ZNF227: variants seen among roughly 807,000 people sequenced by gnomAD.
ZNF227 encodes zinc finger protein 227.
ZNF227 carries 12 observed loss-of-function variants against 13.2 expected under a neutral mutation model. That is an observed-to-expected ratio of 0.91 (90% CI 0.58 to 1.47). The LOEUF (loss-of-function observed/expected upper bound fraction) is 1.47, where lower values mean the gene tolerates loss of function less well. Ranked by LOEUF, ZNF227 falls within the 40% of genes most tolerant of loss-of-function variation. ZNF227 has a pLI of 0.00. For synonymous variants in ZNF227, 338 were observed against 326.0 expected, an observed-to-expected ratio of 1.04 and a Z score of -0.40; for missense variants, 885 against 967.5, an observed-to-expected ratio of 0.91 and a Z score of 1.13.
chr19:44,211,054 C>T (rs1267000883), upstream of ZNF227, among the ~76,000 whole-genome samples: 8 of 151,806 alleles, frequency 5.3e-5, no homozygotes, highest in Admixed American at 3.3e-4. Context: ...ATTAGCTGGG[C>T]GTGGTGGGGA....
chr19:44,218,629 T>C (rs1251315043), intron 3 of ZNF227, among the ~76,000 whole-genome samples: 3 of 152,270 alleles, frequency 2.0e-5, no homozygotes, highest in African/African-American at 7.2e-5. Context: ...AGTACTTAGA[T>C]GTCTTGCTAG....
At position 44,235,755 on chromosome 19, in the gene ZNF227, G is replaced by A. The variant is rs1974398601; in HGVS notation, c.1325G>A (p.Gly442Asp). The A allele has an allele frequency of 1.2e-6, 2 of 1,613,968 alleles. No individual in the cohort carries two copies. Among genetic ancestry groups the A allele is most frequent in the African/African-American group, 2.7e-5 (2 of 74,884 alleles). ...GEKPYKCDVC[G>D]KGFSHNSPLI... ...AAACCCTACAAGTGTGATGTGTGTG[G>A]TAAGGGCTTCAGCCACAATTCACCA... Residue 442 changes from glycine (G) to aspartate (D), a missense_variant, in exon 6 of 6, where the codon GGT (glycine) becomes GAT (aspartate). By Grantham distance (94) the Gly-to-Asp change is moderately conservative (BLOSUM62 -1). Coordinates refer to ENST00000313040, the MANE Select transcript of ZNF227 (RefSeq NM_182490.3).
chr19:44,234,550 T>C, intron 5 of ZNF227, 152 bp from the exon 6 acceptor site: 1 of 700,344 alleles, frequency 1.4e-6, no homozygotes, highest in Non-Finnish European at 2.3e-6. Flanking sequence ...GAAAAACATG[T>C]CAAAAGAATA....
At chr19:44,228,723 T>C in intron 4 of ZNF227, 151 bp downstream of exon 4, 1 of 998,166 alleles carries the variant, frequency 1.0e-6, no homozygotes, top group Non-Finnish European at 1.4e-6. Flanking sequence ...TAGGTTTTTC[T>C]GGTCTTTCTG....
chr19:44,216,465 T>C (rs1971890244), intron 2 of ZNF227, among the ~76,000 whole-genome samples: 1 of 152,192 alleles, frequency 6.6e-6, no homozygotes, highest in Non-Finnish European at 1.5e-5. Flanking sequence ...CTGAGTTTTA[T>C]TGTGATTTGT....
upstream of ZNF227, among the ~76,000 whole-genome samples, chr19:44,208,421 T>A (rs1464974756): frequency 6.6e-6 from 1 of 152,222 alleles, no homozygotes; most frequent in Non-Finnish European, 1.5e-5. Flanking sequence ...CTTGCAGTGA[T>A]AGGGACAGTG....
rs372988351 is a variant in ZNF227, at chr19:44,235,193, T to C, written c.763T>C (p.Cys255Arg). Reference protein sequence around the residue: ...LGEKPHPCGECGRGFSYSPRL... With the variant: ...LGEKPHPCGERGRGFSYSPRL... The stretch of plus-strand genomic sequence containing the variant: ...AGAGAAACCCCATCCATGTGGTGAG[T>C]GTGGAAGGGGCTTCAGTTATAGCCC... The change falls in exon 6 of 6, where the codon TGT (cysteine) becomes CGT (arginine). Residue 255 changes from cysteine (C) to arginine (R), a missense_variant. By Grantham distance (180) the Cys-to-Arg change is radical. Transcript: ENST00000313040. 27 of 1,613,982 alleles carry C rather than the reference T, an allele frequency of 1.7e-5. No individual in the cohort carries two copies. In the South Asian group the frequency reaches 1.9e-4, roughly 11 times the overall value.
At chr19:44,225,764 CGTCAAA>C (rs1194856283) in intron 3 of ZNF227, among the ~76,000 whole-genome samples, 5 of 152,224 alleles carry the variant, frequency 3.3e-5, no homozygotes, top group African/African-American at 9.6e-5. Context: ...TCTCTCAACT[CGTCAAA>C]GTCATTCTCC....
At chr19:44,222,001 A>C (rs1385910654) in intron 3 of ZNF227, among the ~76,000 whole-genome samples, 1 of 152,320 alleles carries the variant, frequency 6.6e-6, no homozygotes, top group Non-Finnish European at 1.5e-5. Flanking sequence ...TTTTCCCAGC[A>C]TCATTTATTA....
At chr19:44,216,787 A>G (rs1488359129) in intron 2 of ZNF227, among the ~76,000 whole-genome samples, 1 of 152,160 alleles carries the variant, frequency 6.6e-6, no homozygotes, top group Non-Finnish European at 1.5e-5. Flanking sequence ...TTGACCCAGA[A>G]TGATACGTTT....
chr19:44,217,468 C>A (rs1042247233), intron 2 of ZNF227: 8 of 545,904 alleles, frequency 1.5e-5, no homozygotes, highest in Middle Eastern at 5.6e-4. Context: ...CAAGGTTACA[C>A]AGCTGGTAAG....
chr19:44,228,751 C>A, intron 4 of ZNF227, 179 bp downstream of exon 4: 1 of 697,860 alleles, frequency 1.4e-6, no homozygotes. Flanking sequence ...AAAATTCTGT[C>A]CTTTTAAATT....
At chr19:44,226,737 A>G (rs1024832324) in intron 3 of ZNF227, among the ~76,000 whole-genome samples, 7 of 152,244 alleles carry the variant, frequency 4.6e-5, no homozygotes, top group African/African-American at 1.7e-4. Flanking sequence ...AAGTGAGGCA[A>G]TGCCTCACCC....
At chr19:44,224,684 T>C (rs1972910678) in intron 3 of ZNF227, among the ~76,000 whole-genome samples, 1 of 152,218 alleles carries the variant, frequency 6.6e-6, no homozygotes, top group African/African-American at 2.4e-5. Context: ...ATGGGTTTCC[T>C]GAATACAGCA....
upstream of ZNF227, among the ~76,000 whole-genome samples, chr19:44,209,488 A>G (rs576132298): frequency 3.9e-5 from 6 of 152,312 alleles, no homozygotes; most frequent in African/African-American, 1.4e-4. Context: ...CCTAAAGGAG[A>G]GGGAATCATT....
chr19:44,214,362 ATTTTCTT>A (rs774284975), intron 2 of ZNF227, among the ~76,000 whole-genome samples: 56 of 150,800 alleles, frequency 3.7e-4, no homozygotes, highest in Non-Finnish European at 7.2e-4. Flanking sequence ...TATTATGAAA[ATTTTCTT>A]TTTTCTTTTT....
chr19:44,236,336 G>A lies in ZNF227; in HGVS notation c.1906G>A (p.Val636Ile). Reference protein sequence around the residue: ...HTGEKPYKCGVCGKGFSQSSG... With the variant: ...HTGEKPYKCGICGKGFSQSSG... ...TGGAGAGAAGCCATACAAATGTGGTGTCTGTGGTAAGGGCTTCAGTCAGTC... is the reference window on the plus strand; with the variant it reads ...TGGAGAGAAGCCATACAAATGTGGTATCTGTGGTAAGGGCTTCAGTCAGTC... The change falls in exon 6 of 6, where the codon GTC becomes ATC. Residue 636 changes from valine to isoleucine, a missense_variant. Coordinates refer to ENST00000313040, the MANE Select transcript of ZNF227 (RefSeq NM_182490.3). 1 of 1,613,326 alleles carries A rather than the reference G, an allele frequency of 6.2e-7. No individual in the cohort carries two copies. Among genetic ancestry groups the A allele is most frequent in the Non-Finnish European group, 8.5e-7 (1 of 1,179,810 alleles).
At chr19:44,222,760 TCTC>T (rs1972680996) in intron 3 of ZNF227, among the ~76,000 whole-genome samples, 1 of 151,262 alleles carries the variant, frequency 6.6e-6, no homozygotes, top group African/African-American at 2.4e-5. Flanking sequence ...TTTATTTCCT[TCTC>T]CTGCCTGATT....
intron 5 of ZNF227, among the ~76,000 whole-genome samples, chr19:44,231,921 AT>A (rs1403573878): frequency 7.9e-4 from 121 of 152,354 alleles, no homozygotes; most frequent in African/African-American, 2.6e-3. Flanking sequence ...TATGGCAGGT[AT>A]TATAGTTCAT....
Sources: gnomAD v4.1 joint callset for allele counts (sites outside exome capture counted in the v4.1 genomes callset) on GRCh38, gnomAD v4.1.1 for gene constraint, MANE v1.5 for transcripts, NCBI Gene and HGNC (gene_info 2026-07-23, HGNC 2026-07-21) for gene names.